SEMA5A: variants seen among roughly 807,000 people sequenced by gnomAD.
SEMA5A encodes semaphorin-5A.
SEMA5A carries 55 observed loss-of-function variants against 135.5 expected under a neutral mutation model. The ratio of observed to expected loss-of-function variants is 0.41; its 90% CI spans 0.33 to 0.51. SEMA5A has a LOEUF of 0.51. SEMA5A is among the 20% of genes least tolerant of loss of function. The probability of loss-of-function intolerance (pLI) is 0.37; values close to 1 mark genes in which losing one functional copy is unlikely to be tolerated. For synonymous variants in SEMA5A, 580 were observed against 546.5 expected, an observed-to-expected ratio of 1.06 and a Z score of -0.85; for missense variants, 1,290 against 1,419.9, an observed-to-expected ratio of 0.91 and a Z score of 1.47.
chr5:9,493,327 G>A (rs191547996), intron 1 of SEMA5A, among the ~76,000 whole-genome samples: 23 of 150,716 alleles, frequency 1.5e-4, no homozygotes, highest in Non-Finnish European at 3.2e-4. Context: ...ATATATATAA[G>A]CATACTGTCA....
chr5:9,435,753 T>C lies in SEMA5A; in HGVS notation c.-78+2003A>G, dbSNP rs79884129. On this transcript the variant is annotated intron_variant, in intron 2 of 22. Coordinates refer to ENST00000382496, the MANE Select transcript of SEMA5A (RefSeq NM_003966.3). The stretch of plus-strand genomic sequence containing the variant: ...ACACAGCCATGCCCATTCACTTACA[T>C]ACCTATGACTGCTTTCATACTACAA... Among the ~76,000 whole-genome samples, 648 of 152,316 alleles carry C rather than the reference T, an allele frequency of 4.3e-3. 3 individuals carry two copies. Among genetic ancestry groups the C allele is most frequent in the African/African-American group, 0.015 (609 of 41,568 alleles).
intron 16 of SEMA5A, among the ~76,000 whole-genome samples, chr5:9,088,659 T>TATATACACACAC: frequency 1.8e-5 from 2 of 112,802 alleles, no homozygotes; most frequent in African/African-American, 8.5e-5. Context: ...TATATATATA[T>TATATACACACAC]ACACACACAC....
At chr5:9,258,074 C>T (rs1749177734) in intron 5 of SEMA5A, among the ~76,000 whole-genome samples, 2 of 152,058 alleles carry the variant, frequency 1.3e-5, no homozygotes, top group Admixed American at 6.5e-5. Flanking sequence ...ACTGAAAAGT[C>T]GCTGAGAAGA....
intron 2 of SEMA5A, among the ~76,000 whole-genome samples, chr5:9,417,620 C>T (rs1445163880): frequency 3.9e-5 from 6 of 152,226 alleles, no homozygotes; most frequent in African/African-American, 1.4e-4. Flanking sequence ...TCCATAATCA[C>T]ATTCTTTGCT....
intron 1 of SEMA5A, among the ~76,000 whole-genome samples, chr5:9,466,152 G>A (rs904683193): frequency 6.6e-6 from 1 of 152,090 alleles, no homozygotes; most frequent in African/African-American, 2.4e-5. Flanking sequence ...CCAATGTGGA[G>A]ATCACTGGGA....
At chr5:9,081,717 T>C (rs1738395750) in intron 16 of SEMA5A, among the ~76,000 whole-genome samples, 1 of 152,220 alleles carries the variant, frequency 6.6e-6, no homozygotes, top group Non-Finnish European at 1.5e-5. Context: ...TCAGAACTCA[T>C]ATTTTTGAAT....
At chr5:9,048,206 C>T (rs1480503727) in intron 21 of SEMA5A, among the ~76,000 whole-genome samples, 1 of 152,196 alleles carries the variant, frequency 6.6e-6, no homozygotes, top group Admixed American at 6.5e-5. Flanking sequence ...GCCTCCCGAA[C>T]ACAATGCTTT....
At chr5:9,431,873 A>G (rs923983211) in intron 2 of SEMA5A, among the ~76,000 whole-genome samples, 4 of 152,292 alleles carry the variant, frequency 2.6e-5, no homozygotes, top group Middle Eastern at 3.4e-3. Context: ...TCAATCACGA[A>G]ACTAAGAAAA....
At chr5:9,050,263 G>T in intron 21 of SEMA5A, 147 bp downstream of exon 21, 1 of 696,348 alleles carries the variant, frequency 1.4e-6, no homozygotes, top group Non-Finnish European at 2.3e-6. Flanking sequence ...AAGCCTTTAT[G>T]CCAAGGTAGA....
intron 4 of SEMA5A, among the ~76,000 whole-genome samples, chr5:9,333,882 C>T (rs549820948): frequency 6.6e-6 from 1 of 152,138 alleles, no homozygotes; most frequent in South Asian, 2.1e-4. Context: ...AGTTTCATTA[C>T]TGAAAACACA....
At chr5:9,156,142 C>A (rs190680086) in intron 11 of SEMA5A, among the ~76,000 whole-genome samples, 1 of 152,096 alleles carries the variant, frequency 6.6e-6, no homozygotes, top group Admixed American at 6.6e-5. Flanking sequence ...GCAGCTGTGG[C>A]GTAGAGAGGC....
chr5:9,181,899 C>T (rs1203913823), intron 11 of SEMA5A, among the ~76,000 whole-genome samples: 1 of 151,990 alleles, frequency 6.6e-6, no homozygotes, highest in Admixed American at 6.6e-5. Context: ...CGCAGAGTCC[C>T]TCATCTATTA....
intron 13 of SEMA5A, among the ~76,000 whole-genome samples, chr5:9,130,132 T>G (rs1741326310): frequency 6.6e-6 from 1 of 152,184 alleles, no homozygotes; most frequent in Non-Finnish European, 1.5e-5. Context: ...TACAATCCTA[T>G]ATTTGATTTG....
At chr5:9,386,376 A>C (rs1310458482) in intron 2 of SEMA5A, among the ~76,000 whole-genome samples, 1 of 151,654 alleles carries the variant, frequency 6.6e-6, no homozygotes, top group African/African-American at 2.4e-5. Flanking sequence ...TCTGCCTTTC[A>C]AAAAAAAATC....
chr5:9,318,195 G>A (rs188491321), intron 5 of SEMA5A, among the ~76,000 whole-genome samples, 177 bp downstream of exon 5: 100 of 152,304 alleles, frequency 6.6e-4, no homozygotes, highest in Non-Finnish European at 1.3e-3. Context: ...CAGGAATTAA[G>A]GGAGGTAATG....
chr5:9,311,505 ACAC>A (rs1752131584), intron 5 of SEMA5A, among the ~76,000 whole-genome samples: 1 of 148,272 alleles, frequency 6.7e-6, no homozygotes, highest in Non-Finnish European at 1.5e-5. Flanking sequence ...AAAAAAACAA[ACAC>A]CACATGTTCT....
intron 11 of SEMA5A, among the ~76,000 whole-genome samples, chr5:9,162,896 A>C (rs1743372626): frequency 6.6e-6 from 1 of 152,128 alleles, no homozygotes; most frequent in Non-Finnish European, 1.5e-5. Flanking sequence ...GGTCCTGTTC[A>C]TACGGATCAA....
intron 4 of SEMA5A, among the ~76,000 whole-genome samples, chr5:9,331,116 C>T (rs1753112373): frequency 6.6e-6 from 1 of 152,170 alleles, no homozygotes. Flanking sequence ...ATAAGTGTGG[C>T]TACTGGAAGC....
At chr5:9,156,633 T>G (rs918684463) in intron 11 of SEMA5A, among the ~76,000 whole-genome samples, 2 of 152,096 alleles carry the variant, frequency 1.3e-5, no homozygotes, top group East Asian at 3.8e-4. Flanking sequence ...AGTTCAGGGG[T>G]GGGTGGCCTG....
Sources: allele counts gnomAD v4.1 joint callset (sites outside exome capture counted in the v4.1 genomes callset), GRCh38; gene constraint gnomAD v4.1.1; transcripts MANE v1.5; gene names NCBI Gene and HGNC (gene_info 2026-07-23, HGNC 2026-07-21).